Variants in IL5RA observed in about 807,000 individuals in gnomAD.
IL5RA encodes interleukin 5 receptor subunit alpha.
In IL5RA, 49 loss-of-function variants were observed where a neutral mutation model predicts 50.0. The observed-to-expected ratio is 0.98, with a 90% CI of 0.78 to 1.24. The LOEUF is 1.24. IL5RA is among the 50% of genes most tolerant of loss of function. The pLI, the probability that IL5RA is intolerant of heterozygous loss-of-function variation, is 0.00. For missense variants in IL5RA, 600 were observed against 500.4 expected, an observed-to-expected ratio of 1.20 and a Z score of -1.90; for synonymous variants, 202 against 174.0, an observed-to-expected ratio of 1.16 and a Z score of -1.26.
intron 11 of IL5RA, among the ~76,000 whole-genome samples, chr3:3,072,317 T>C (rs1440627306): frequency 1.3e-5 from 2 of 152,210 alleles, no homozygotes; most frequent in Non-Finnish European, 2.9e-5. Context: ...AACTGCTTTG[T>C]TTTTATGTGA....
chr3:3,102,417 T>C (rs918935296), intron 4 of IL5RA, among the ~76,000 whole-genome samples: 14 of 152,340 alleles, frequency 9.2e-5, no homozygotes, highest in African/African-American at 3.4e-4. Context: ...CCATGGTGCC[T>C]AAAAAGTTAC....
intron 8 of IL5RA, 48 bp downstream of exon 8, chr3:3,095,251 C>G: frequency 6.8e-7 from 1 of 1,464,114 alleles, no homozygotes; most frequent in Non-Finnish European, 9.4e-7. Context: ...TTAAATGTTT[C>G]TAAAACAAAT....
chr3:3,071,642 T>C (rs567849221), intron 11 of IL5RA, among the ~76,000 whole-genome samples: 1 of 148,716 alleles, frequency 6.7e-6, no homozygotes, highest in East Asian at 2.0e-4. Context: ...CAAGCTGCAG[T>C]GCAGTGGCAC....
chr3:3,086,017 A>G (rs760193669), intron 9 of IL5RA, among the ~76,000 whole-genome samples: 2 of 152,186 alleles, frequency 1.3e-5, no homozygotes, highest in Non-Finnish European at 2.9e-5. Context: ...TAGGTGCCAT[A>G]CATCTCAAGA....
chr3:3,109,770 G>A (rs1403339299), intron 1 of IL5RA, 175 bp downstream of exon 1: 1 of 152,122 alleles, frequency 6.6e-6, no homozygotes, highest in Non-Finnish European at 1.5e-5. Flanking sequence ...TTGTTTACAA[G>A]TTTGTCATAT....
intron 10 of IL5RA, among the ~76,000 whole-genome samples, chr3:3,075,678 A>G (rs1433559399): frequency 6.6e-6 from 1 of 150,534 alleles, no homozygotes; most frequent in Non-Finnish European, 1.5e-5. Context: ...TTGGCTCACT[A>G]TAGCCTCCAA....
intron 4 of IL5RA, 51 bp downstream of exon 4, chr3:3,102,623 TC>T (rs1703708678): frequency 7.8e-7 from 1 of 1,281,696 alleles, no homozygotes; most frequent in Admixed American, 2.4e-5. Context: ...GAAAATGCAG[TC>T]AAAATGCATA....
intron 11 of IL5RA, chr3:3,073,652 G>C (rs988792469): frequency 7.1e-5 from 22 of 309,550 alleles, no homozygotes; most frequent in Non-Finnish European, 1.3e-5. Context: ...GCTGAGAGAA[G>C]GTAAAGAAAA....
chr3:3,086,670 T>TA (rs199775449), intron 9 of IL5RA, among the ~76,000 whole-genome samples: 9,667 of 149,280 alleles, frequency 0.065, 790 homozygotes, highest in African/African-American at 0.2. Flanking sequence ...CCTCATCTCT[T>TA]AAAAAAAAAT....
intron 7 of IL5RA, among the ~76,000 whole-genome samples, chr3:3,096,700 A>G (rs1434940678): frequency 6.6e-6 from 1 of 152,212 alleles, no homozygotes; most frequent in East Asian, 1.9e-4. Context: ...TATTTTCATG[A>G]AAGTGACATT....
At chr3:3,087,970 AAAGG>A (rs1471866648) in intron 9 of IL5RA, among the ~76,000 whole-genome samples, 1 of 152,172 alleles carries the variant, frequency 6.6e-6, no homozygotes, top group Non-Finnish European at 1.5e-5. Flanking sequence ...TAAATTCCAG[AAAGG>A]ATGGATTTAT....
intron 10 of IL5RA, among the ~76,000 whole-genome samples, chr3:3,075,604 CTT>C (rs759123797): frequency 3.7e-5 from 5 of 135,296 alleles, no homozygotes; most frequent in Non-Finnish European, 3.2e-5. Context: ...ATAGAAAAGT[CTT>C]TTTTTTTTTT....
At position 3,092,447 on chromosome 3, in the gene IL5RA, G is replaced by A. The variant is rs1703168416; in HGVS notation, c.856-85C>T. On this transcript the variant is annotated intron_variant, in intron 8 of 11. Coordinates refer to ENST00000446632, the MANE Select transcript of IL5RA (RefSeq NM_175726.4). The surrounding 1 kb of genome is among the most constrained non-coding windows in gnomAD (Gnocchi z 4.2). The stretch of plus-strand genomic sequence containing the variant: ...TATCAGAATGGGAGGTCCTATATAG[G>A]TCATGTGACTCACTGTTCAGCAAGT... The A allele has an allele frequency of 3.3e-6, 4 of 1,230,344 alleles. No individual in the cohort carries two copies. The highest frequency in any genetic ancestry group is 4.6e-6 in the Non-Finnish European group (4 of 864,148). The allele number at this position is 1,230,344 out of a possible 1,614,324, so 76.2% of individuals were successfully genotyped here. A position where few individuals can be genotyped will look rare whatever the true frequency, so the allele number is the denominator to read the frequency against.
chr3:3,075,203 C>CTTTTTTTTTTTTTTT (rs10642608), intron 10 of IL5RA, among the ~76,000 whole-genome samples: 2 of 69,974 alleles, frequency 2.9e-5, no homozygotes, highest in Admixed American at 2.3e-4. Context: ...AGTTTACTTA[C>CTTTTTTTTTTTTTTT]TTTTTTTTTT....
chr3:3,102,371 G>A lies in IL5RA; in HGVS notation c.228+304C>T, dbSNP rs188962639. On this transcript the variant is annotated intron_variant, in intron 4 of 11. Transcript: ENST00000446632. ...CTAGGCTACTGTCTCCTGTTCTGTT[G>A]GTAATTTTATGGGAAACAGAAAACC... Among the ~76,000 whole-genome samples the A allele has an allele frequency of 2.1e-3, 320 of 152,240 alleles. 3 individuals carry two copies. Among genetic ancestry groups the A allele is most frequent in the Middle Eastern group, 0.02 (6 of 294 alleles).
chr3:3,086,822 A>G (rs1483444520), intron 9 of IL5RA, among the ~76,000 whole-genome samples: 1 of 152,260 alleles, frequency 6.6e-6, no homozygotes, highest in Non-Finnish European at 1.5e-5. Flanking sequence ...CTAAGTACCT[A>G]TCAACCGATG....
intron 9 of IL5RA, among the ~76,000 whole-genome samples, chr3:3,080,959 G>A (rs1281831347): frequency 6.6e-6 from 1 of 152,320 alleles, no homozygotes; most frequent in African/African-American, 2.4e-5. Context: ...GCCTCCCAAA[G>A]TGCTGAGATT....
chr3:3,069,230 C>T lies in IL5RA; in HGVS notation c.*995G>A, dbSNP rs1472870252. ...GCAGTCCACCACCCACCACAAAGGC[C>T]TCCAATCTGGATGCAGACTCATATA... On this transcript the variant is annotated 3_prime_UTR_variant, in exon 12 of 12. Transcript: ENST00000446632. The T allele has an allele frequency of 1.3e-5, 2 of 152,294 alleles. No homozygotes were observed. The highest frequency in any genetic ancestry group is 4.8e-5 in the African/African-American group (2 of 41,454). 9.4% of individuals were successfully genotyped at this position (152,294 alleles called of 1,614,324 possible).
At chr3:3,101,941 A>G (rs1045695215) in intron 4 of IL5RA, 111 bp from the exon 5 acceptor site, 14 of 969,194 alleles carry the variant, frequency 1.4e-5, no homozygotes, top group South Asian at 1.8e-5. Context: ...GTAAGATGCA[A>G]TGAAATAGTT....
Sources: gnomAD v4.1 joint callset for allele counts (sites outside exome capture counted in the v4.1 genomes callset) on GRCh38, gnomAD v4.1.1 for gene constraint, Gnocchi (gnomAD v3.1) non-coding constraint, MANE v1.5 for transcripts, NCBI Gene and HGNC (gene_info 2026-07-23, HGNC 2026-07-21) for gene names.